Variants in AFG2A observed in about 807,000 individuals in gnomAD.
The protein encoded by AFG2A is ATPase family gene 2 protein homolog A.
the AFG2A span, among the ~76,000 whole-genome samples, chr4:122,980,059 AT>A: frequency 6.6e-6 from 1 of 152,202 alleles, no homozygotes; most frequent in South Asian, 2.1e-4. Flanking sequence ...AGGTTTGCAT[AT>A]TCATCACAGA....
At chr4:122,940,908 G>T in the AFG2A span, among the ~76,000 whole-genome samples, 1 of 150,798 alleles carries the variant, frequency 6.6e-6, no homozygotes, top group Non-Finnish European at 1.5e-5. Flanking sequence ...CCCATTGCTT[G>T]TTTTTGTCAG....
the AFG2A span, among the ~76,000 whole-genome samples, chr4:123,088,023 T>A: frequency 1.3e-5 from 2 of 152,214 alleles, no homozygotes; most frequent in African/African-American, 4.8e-5. Flanking sequence ...ATGTCTCTAG[T>A]TGAAACATCC....
the AFG2A span, among the ~76,000 whole-genome samples, chr4:122,950,587 G>T: frequency 6.6e-6 from 1 of 152,138 alleles, no homozygotes; most frequent in African/African-American, 2.4e-5. Flanking sequence ...TGATCCACCC[G>T]CCTCAGCCTC....
the AFG2A span, among the ~76,000 whole-genome samples, chr4:123,099,690 C>T: frequency 6.6e-6 from 1 of 151,784 alleles, no homozygotes; most frequent in Non-Finnish European, 1.5e-5. Flanking sequence ...CTTGAAAGCT[C>T]TCTTAATCTT....
At chr4:123,308,393 G>A in the AFG2A span, among the ~76,000 whole-genome samples, 1 of 152,154 alleles carries the variant, frequency 6.6e-6, no homozygotes, top group African/African-American at 2.4e-5. Flanking sequence ...ACCGGTACTG[G>A]TCCGTAGCAT....
chr4:123,029,761 C>A, the AFG2A span, among the ~76,000 whole-genome samples: 1 of 152,160 alleles, frequency 6.6e-6, no homozygotes, highest in African/African-American at 2.4e-5. Context: ...CCTCAGCCTC[C>A]TGAGCAGCTA....
At chr4:123,138,446 T>A in the AFG2A span, among the ~76,000 whole-genome samples, 1 of 152,182 alleles carries the variant, frequency 6.6e-6, no homozygotes, top group Non-Finnish European at 1.5e-5. Flanking sequence ...GCTTACTATT[T>A]TCTCATTTTT....
At chr4:123,160,053 CCTT>C in the AFG2A span, among the ~76,000 whole-genome samples, 3,399 of 152,010 alleles carry the variant, frequency 0.022, 76 homozygotes, top group South Asian at 0.12. Context: ...TTCAGAGACT[CCTT>C]CTAGAGTAAC....
chr4:122,991,912 GT>G, the AFG2A span, among the ~76,000 whole-genome samples: 3 of 151,436 alleles, frequency 2.0e-5, no homozygotes, highest in Non-Finnish European at 2.9e-5. Context: ...ATTATTATGA[GT>G]TTTTTTTTAT....
the AFG2A span, among the ~76,000 whole-genome samples, chr4:123,176,859 G>A: frequency 6.6e-6 from 1 of 152,124 alleles, no homozygotes; most frequent in Non-Finnish European, 1.5e-5. Context: ...GGGGAAGGGG[G>A]AGGAGGAGGA....
At chr4:123,062,880 T>C in the AFG2A span, among the ~76,000 whole-genome samples, 4 of 152,220 alleles carry the variant, frequency 2.6e-5, no homozygotes, top group Non-Finnish European at 1.5e-5. Context: ...CTGGTCATAA[T>C]TTATCAAGTT....
chr4:123,018,952 A>T, the AFG2A span, among the ~76,000 whole-genome samples: 1 of 152,112 alleles, frequency 6.6e-6, no homozygotes, highest in Admixed American at 6.5e-5. Context: ...TCAAAATGCA[A>T]AATTGGTTTG....
the AFG2A span, among the ~76,000 whole-genome samples, chr4:123,108,117 A>G: frequency 6.6e-6 from 1 of 152,150 alleles, no homozygotes; most frequent in African/African-American, 2.4e-5. Flanking sequence ...AGCCGCACCT[A>G]CCCAGTGCAG....
chr4:123,190,250 G>T, the AFG2A span, among the ~76,000 whole-genome samples: 4,055 of 152,250 alleles, frequency 0.027, 198 homozygotes, highest in African/African-American at 0.092. Context: ...TATGCACCAC[G>T]GTAGCAGGTG....
the AFG2A span, among the ~76,000 whole-genome samples, chr4:123,011,471 A>T: frequency 1.1e-4 from 16 of 152,260 alleles, no homozygotes; most frequent in African/African-American, 3.6e-4. Flanking sequence ...TATTGGTTTC[A>T]CTCGCGTCCC....
the AFG2A span, among the ~76,000 whole-genome samples, chr4:123,038,232 T>C: frequency 6.6e-6 from 1 of 152,190 alleles, no homozygotes; most frequent in East Asian, 1.9e-4. Flanking sequence ...CTTAATATTT[T>C]TTTCTGTAAA....
At chr4:123,037,772 A>AT in the AFG2A span, among the ~76,000 whole-genome samples, 2 of 152,220 alleles carry the variant, frequency 1.3e-5, no homozygotes, top group African/African-American at 2.4e-5. Flanking sequence ...TTAAAAAATT[A>AT]TTTTTAGCAG....
At chr4:123,144,289 T>C in the AFG2A span, among the ~76,000 whole-genome samples, 1 of 152,126 alleles carries the variant, frequency 6.6e-6, no homozygotes, top group East Asian at 1.9e-4. Flanking sequence ...GCTTTTAATA[T>C]TTTTTTCTAA....
the AFG2A span, among the ~76,000 whole-genome samples, chr4:123,004,241 C>G: frequency 6.6e-6 from 1 of 152,226 alleles, no homozygotes; most frequent in African/African-American, 2.4e-5. Context: ...AAAGGGAACT[C>G]CCTGATCCCT....
Sources: gnomAD v4.1 joint callset for allele counts (sites outside exome capture counted in the v4.1 genomes callset) on GRCh38, gnomAD v4.1.1 for gene constraint, MANE v1.5 for transcripts, NCBI Gene and HGNC (gene_info 2026-07-23, HGNC 2026-07-21) for gene names.